The following NECTIN1 variants were observed in gnomAD, a reference collection of about 807,000 sequenced individuals.
NECTIN1 encodes the protein nectin cell adhesion molecule 1.
A neutral mutation model predicts 48.0 loss-of-function variants in NECTIN1; 23 were observed. The observed-to-expected ratio is 0.48, with a 90% CI of 0.34 to 0.68. The LOEUF (loss-of-function observed/expected upper bound fraction) is 0.68, where lower values mean the gene tolerates loss of function less well. Ranked by LOEUF, NECTIN1 falls within the 30% of genes least tolerant of loss-of-function variation. NECTIN1 has a pLI of 0.01. For synonymous variants in NECTIN1, 270 were observed against 288.9 expected, an observed-to-expected ratio of 0.93 and a Z score of 0.66; for missense variants, 591 against 709.9, an observed-to-expected ratio of 0.83 and a Z score of 1.90.
chr11:119,677,616 C>A lies in NECTIN1; in HGVS notation c.672G>T (p.Leu224Phe), dbSNP rs1430537138. The A allele has an allele frequency of 1.9e-6, 3 of 1,613,482 alleles. No individual in the cohort carries two copies. Among genetic ancestry groups the A allele is most frequent in the Non-Finnish European group, 2.5e-6 (3 of 1,180,020 alleles). The stretch of plus-strand genomic sequence containing the variant: ...CCATGTGGTAGTTGACGATGCAGGC[C>A]AAGGACTGCTGGTGGGCTTCCCTGC... Reference protein sequence around the residue: ...VPSREAHQQSLACIVNYHMDR... With the variant: ...VPSREAHQQSFACIVNYHMDR... Residue 224 changes from leucine to phenylalanine, a missense_variant, in exon 3 of 6, where the codon TTG becomes TTT. By Grantham distance (22) the Leu-to-Phe change is conservative. Transcript: ENST00000264025. This position sits in a 1 kb window ranked among gnomAD's most constrained non-coding sequence, Gnocchi z 5.4.
At chr11:119,671,325 C>A (rs190097484) in intron 5 of NECTIN1, among the ~76,000 whole-genome samples, 1 of 152,030 alleles carries the variant, frequency 6.6e-6, no homozygotes, top group Non-Finnish European at 1.5e-5. Flanking sequence ...AGGGGCCCAG[C>A]CAGCCTCCCT....
At chr11:119,666,589 G>A (rs1864775113) in intron 5 of NECTIN1, among the ~76,000 whole-genome samples, 1 of 152,252 alleles carries the variant, frequency 6.6e-6, no homozygotes, top group Non-Finnish European at 1.5e-5. Flanking sequence ...ACCACAGCTG[G>A]CCTCGGTCAG....
rs900609892 is a variant in NECTIN1, at chr11:119,662,754, A to C, written c.*1993T>G. 1 of 986,320 alleles carries C rather than the reference A, an allele frequency of 1.0e-6. No individual in the cohort carries two copies. Among genetic ancestry groups the C allele is most frequent in the African/African-American group, 1.7e-5 (1 of 57,200 alleles). 61.1% of individuals were successfully genotyped at this position (986,320 alleles called of 1,614,324 possible). A position where few individuals can be genotyped will look rare whatever the true frequency, so the allele number is the denominator to read the frequency against. ...GGACACTAATACTGCTGGGAAAAGC[A>C]GCCCAGCTCCTCCACCTCCCTCTGC... On this transcript the variant is annotated 3_prime_UTR_variant, in exon 6 of 6. Coordinates refer to ENST00000264025, the MANE Select transcript of NECTIN1 (RefSeq NM_002855.5). The surrounding 1 kb of genome is among the most constrained non-coding windows in gnomAD (Gnocchi z 5.3).
chr11:119,691,877 C>T (rs1043087513), intron 1 of NECTIN1, among the ~76,000 whole-genome samples: 24 of 152,190 alleles, frequency 1.6e-4, no homozygotes, highest in African/African-American at 5.1e-4. Flanking sequence ...TCCCTTCCTC[C>T]CTCTTTCTCA....
At chr11:119,706,370 C>T (rs531679447) in intron 1 of NECTIN1, among the ~76,000 whole-genome samples, 2 of 152,310 alleles carry the variant, frequency 1.3e-5, no homozygotes, top group African/African-American at 4.8e-5. Flanking sequence ...CCAGTGGCTC[C>T]TGTGACTCCC....
chr11:119,688,834 C>T (rs569991708), intron 1 of NECTIN1, among the ~76,000 whole-genome samples: 1 of 151,904 alleles, frequency 6.6e-6, no homozygotes, highest in African/African-American at 2.4e-5. Context: ...TTGGGGGAGA[C>T]AGGTAGAGAG....
chr11:119,698,715 A>G (rs543785541), intron 1 of NECTIN1, among the ~76,000 whole-genome samples: 1 of 152,326 alleles, frequency 6.6e-6, no homozygotes, highest in East Asian at 1.9e-4. Flanking sequence ...TTATCACAAA[A>G]TGGCTATAAG....
intron 1 of NECTIN1, among the ~76,000 whole-genome samples, chr11:119,720,385 C>G (rs986201134): frequency 6.6e-6 from 1 of 152,264 alleles, no homozygotes; most frequent in African/African-American, 2.4e-5. Flanking sequence ...CTCCACGAGC[C>G]CACGCAATCC....
chr11:119,678,647 T>C lies in NECTIN1; in HGVS notation c.198A>G (p.Thr66=). The change falls in exon 2 of 6, where the codon ACA becomes ACG. Residue 66 remains threonine (T), a synonymous_variant. Transcript: ENST00000264025. This position sits in a 1 kb window ranked among gnomAD's most constrained non-coding sequence, Gnocchi z 4.4. ...PLPSVKITQV[T]WQKSTNGSKQ... Reference sequence around the variant, plus strand: ...TGGAGCCATTGGTGGACTTCTGCCATGTGACCTGGGTGATCTTCACGCTGG... The same window carrying C: ...TGGAGCCATTGGTGGACTTCTGCCACGTGACCTGGGTGATCTTCACGCTGG... 1.9e-6 allele frequency: 3 copies of C among 1,614,116 alleles called. No homozygotes were observed. Among genetic ancestry groups the C allele is most frequent in the Non-Finnish European group, 2.5e-6 (3 of 1,180,028 alleles).
intron 1 of NECTIN1, among the ~76,000 whole-genome samples, chr11:119,706,492 C>A (rs1215567653): frequency 1.3e-5 from 2 of 152,110 alleles, no homozygotes; most frequent in Non-Finnish European, 2.9e-5. Context: ...GACCTTCTAG[C>A]CAGGCACCAC....
rs777367846 is a variant in NECTIN1, at chr11:119,665,044, G to T, written c.1257C>A (p.Pro419=). ...CCTTCTTCTCGTCGTCTGAGTCGTC[G>T]GGGTACTGCAGGTTCTGTGCCATTG... ...HPPMAQNLQY[P]DDSDDEKKAG... The change falls in exon 6 of 6, where the codon CCC becomes CCA. Residue 419 remains proline, a synonymous_variant. Transcript: ENST00000264025. This position sits in a 1 kb window ranked among gnomAD's most constrained non-coding sequence, Gnocchi z 5.1. 6.2e-7 allele frequency: 1 copy of T among 1,613,864 alleles called. No homozygotes were observed. Among genetic ancestry groups the T allele is most frequent in the South Asian group, 1.1e-5 (1 of 91,078 alleles).
intron 1 of NECTIN1, among the ~76,000 whole-genome samples, chr11:119,703,893 C>T (rs969346805): frequency 3.3e-5 from 5 of 152,196 alleles, no homozygotes; most frequent in African/African-American, 9.7e-5. Context: ...TCCAGGATGC[C>T]GGGCTCGGAA....
intron 1 of NECTIN1, among the ~76,000 whole-genome samples, chr11:119,719,502 C>G (rs569770680): frequency 2.6e-5 from 4 of 152,316 alleles, no homozygotes; most frequent in African/African-American, 9.6e-5. Context: ...ATCTGGGCCT[C>G]ATTTTTCCAT....
At position 119,710,361 on chromosome 11, in the gene NECTIN1, A is replaced by G. The variant is rs78745022; in HGVS notation, c.79+18114T>C. ...AAAACCAAGCAAGCAATTTATTCTCATTTATTTAATAAACAAGTATTAAGA... is the reference window on the plus strand; with the variant it reads ...AAAACCAAGCAAGCAATTTATTCTCGTTTATTTAATAAACAAGTATTAAGA... On this transcript the variant is annotated intron_variant, in intron 1 of 5. Coordinates refer to ENST00000264025, the MANE Select transcript of NECTIN1 (RefSeq NM_002855.5). Among the ~76,000 whole-genome samples, 1,950 of 152,306 alleles carry G rather than the reference A, an allele frequency of 0.013. 91 individuals are homozygous for G. In the East Asian group the frequency reaches 0.14, roughly 11 times the overall value.
Position 119,678,406 on chromosome 11 carries a change from G to A in NECTIN1, c.430+9C>T, listed in dbSNP as rs760052974. On this transcript the variant is annotated intron_variant, in intron 2 of 5. Transcript: ENST00000264025. This position sits in a 1 kb window ranked among gnomAD's most constrained non-coding sequence, Gnocchi z 4.4. ...TGGATGAACAGGGAGGGGGCCCAGGGCAGCTTACCCATCACCGTGAGATTG... is the reference window on the plus strand; with the variant it reads ...TGGATGAACAGGGAGGGGGCCCAGGACAGCTTACCCATCACCGTGAGATTG... 26 of 1,612,302 alleles carry A rather than the reference G, an allele frequency of 1.6e-5. 1 individual carries two copies. In the East Asian group the frequency reaches 5.8e-4, roughly 36 times the overall value.
At position 119,675,309 on chromosome 11, in the gene NECTIN1, G is replaced by A. The variant is rs1864928563; in HGVS notation, c.853C>T (p.Leu285=). The A allele has an allele frequency of 1.2e-6, 2 of 1,614,164 alleles. No individual in the cohort carries two copies. Among genetic ancestry groups the A allele is most frequent in the South Asian group, 1.1e-5 (1 of 91,084 alleles). ...ACACCCTTGGGGAGAGAGCCATTTAGCCTGTGGGAAGTGGGAGACACAGCG... is the reference window on the plus strand; with the variant it reads ...ACACCCTTGGGGAGAGAGCCATTTAACCTGTGGGAAGTGGGAGACACAGCG... The part of the protein sequence containing the change: ...PPATEYHWTT[L]NGSLPKGVEA... Residue 285 remains leucine (L), a splice_region_variant and synonymous_variant, in exon 5 of 6, where the codon CTA becomes TTA. Transcript: ENST00000264025.
At chr11:119,711,182 G>C (rs1865638841) in intron 1 of NECTIN1, among the ~76,000 whole-genome samples, 1 of 151,982 alleles carries the variant, frequency 6.6e-6, no homozygotes, top group African/African-American at 2.4e-5. Context: ...CTGAGGTCAG[G>C]AGTTCGAGAC....
intron 1 of NECTIN1, among the ~76,000 whole-genome samples, chr11:119,720,317 C>T (rs1169489239): frequency 2.6e-5 from 4 of 152,274 alleles, no homozygotes; most frequent in South Asian, 2.1e-4. Context: ...AGCTGCCTCC[C>T]CAGTCCTGCC....
rs1286875309 is a variant in NECTIN1, at chr11:119,661,252, T to A, written c.*3495A>T. 22 of 985,826 alleles carry A rather than the reference T, an allele frequency of 2.2e-5. No homozygotes were observed. The highest frequency in any genetic ancestry group is 2.5e-5 in the Non-Finnish European group (21 of 829,938). 61.1% of individuals were successfully genotyped at this position (985,826 alleles called of 1,614,324 possible). On this transcript the variant is annotated 3_prime_UTR_variant, in exon 6 of 6. Transcript: ENST00000264025. The stretch of plus-strand genomic sequence containing the variant: ...CATTTATACAAAAAAGGAAAACCAA[T>A]TTTTTCGACCAAGAATCCCATTCCT...
Sources: gnomAD v4.1 joint callset for allele counts (sites outside exome capture counted in the v4.1 genomes callset) on GRCh38, gnomAD v4.1.1 for gene constraint, Gnocchi (gnomAD v3.1) non-coding constraint, MANE v1.5 for transcripts, NCBI Gene and HGNC (gene_info 2026-07-23, HGNC 2026-07-21) for gene names.